CSMD1: variants seen among roughly 807,000 people sequenced by gnomAD.
CSMD1 encodes the protein CUB and Sushi multiple domains 1.
A neutral mutation model predicts 417.5 loss-of-function variants in CSMD1; 213 were observed. That is an observed-to-expected ratio of 0.51 (90% CI 0.46 to 0.57). CSMD1 has a LOEUF of 0.57. CSMD1 is among the 20% of genes least tolerant of loss of function. The probability of loss-of-function intolerance (pLI) is 0.00; values close to 1 mark genes in which losing one functional copy is unlikely to be tolerated. For missense variants in CSMD1, 6,923 were observed against 4,529.7 expected (o/e 1.53, Z -15.17); for synonymous variants, 2,862 against 1,736.8 (o/e 1.65, Z -16.11).
intron 3 of CSMD1, among the ~76,000 whole-genome samples, chr8:4,317,101 G>A (rs1162674067): frequency 6.6e-6 from 1 of 152,120 alleles, no homozygotes; most frequent in Non-Finnish European, 1.5e-5. Flanking sequence ...CAGGCAAGAG[G>A]TTTCCAACTG....
intron 1 of CSMD1, among the ~76,000 whole-genome samples, chr8:4,975,245 G>C (rs944442249): frequency 6.6e-6 from 1 of 152,056 alleles, no homozygotes; most frequent in Non-Finnish European, 1.5e-5. Flanking sequence ...AGTCTCCAAG[G>C]ATAATTAATT....
At chr8:4,967,863 A>T (rs563035393) in intron 1 of CSMD1, among the ~76,000 whole-genome samples, 1 of 152,308 alleles carries the variant, frequency 6.6e-6, no homozygotes, top group Admixed American at 6.5e-5. Context: ...TTACAAGTCA[A>T]AGGATGTGCT....
intron 6 of CSMD1, among the ~76,000 whole-genome samples, chr8:3,724,904 G>C (rs1333476530): frequency 6.6e-6 from 1 of 152,196 alleles, no homozygotes; most frequent in Non-Finnish European, 1.5e-5. Context: ...ATCTGCCATG[G>C]TAAAGAAGCA....
At chr8:3,662,141 G>T (rs542752927) in intron 7 of CSMD1, among the ~76,000 whole-genome samples, 35 of 152,124 alleles carry the variant, frequency 2.3e-4, no homozygotes, top group Non-Finnish European at 5.0e-4. Flanking sequence ...CTTCACAAAA[G>T]ATTTAGGCTA....
At chr8:4,734,160 T>C (rs567338631) in intron 1 of CSMD1, among the ~76,000 whole-genome samples, 32 of 152,292 alleles carry the variant, frequency 2.1e-4, no homozygotes, top group Admixed American at 5.2e-4. Flanking sequence ...TGAAATATAA[T>C]AGAGCTTGTA....
chr8:4,697,254 G>T (rs1345827232), intron 1 of CSMD1, among the ~76,000 whole-genome samples: 3 of 151,970 alleles, frequency 2.0e-5, no homozygotes, highest in Non-Finnish European at 4.4e-5. Flanking sequence ...TGCTGTAAAG[G>T]CCCTTAGAAC....
chr8:4,183,765 T>C (rs1052693277), intron 3 of CSMD1, among the ~76,000 whole-genome samples: 1 of 152,218 alleles, frequency 6.6e-6, no homozygotes, highest in Admixed American at 6.5e-5. Context: ...GAGTATTTCG[T>C]TGATGAAAGC....
chr8:3,142,415 G>A (rs1818557985), intron 41 of CSMD1, 50 bp downstream of exon 41: 2 of 1,390,298 alleles, frequency 1.4e-6, no homozygotes, highest in African/African-American at 1.4e-5. Flanking sequence ...CAATTTACAT[G>A]TAAGAAGTGT....
chr8:4,982,401 C>T (rs1337086744), intron 1 of CSMD1, among the ~76,000 whole-genome samples: 1 of 152,138 alleles, frequency 6.6e-6, no homozygotes, highest in Non-Finnish European at 1.5e-5. Flanking sequence ...ACCTGGGTAA[C>T]AGAGAATGCT....
At chr8:4,467,374 G>A (rs969541493) in intron 2 of CSMD1, among the ~76,000 whole-genome samples, 6 of 152,084 alleles carry the variant, frequency 3.9e-5, no homozygotes, top group Non-Finnish European at 7.4e-5. Flanking sequence ...CAATTCAAAT[G>A]TCCTCATTCC....
chr8:4,055,555 A>T (rs1798648037), intron 3 of CSMD1, among the ~76,000 whole-genome samples: 1 of 141,066 alleles, frequency 7.1e-6, no homozygotes, highest in African/African-American at 3.1e-5. Context: ...AATGAATATC[A>T]TATAAAGAAG....
Position 4,721,411 on chromosome 8 carries a change from G to C in CSMD1, c.86-83853C>G, listed in dbSNP as rs151183929. Among the ~76,000 whole-genome samples, 1,043 of 152,236 alleles carry C rather than the reference G, an allele frequency of 6.9e-3. 13 individuals carry two copies. The highest frequency in any genetic ancestry group is 0.01 in the Non-Finnish European group (713 of 68,012). On this transcript the variant is annotated intron_variant, in intron 1 of 69. Coordinates refer to ENST00000635120, the MANE Select transcript of CSMD1 (RefSeq NM_033225.6). ...ATCAAATATAAAAAAGAATGAATCTGACTACTACAAATCAGATTCTGAACA... is the reference window on the plus strand; with the variant it reads ...ATCAAATATAAAAAAGAATGAATCTCACTACTACAAATCAGATTCTGAACA...
At chr8:4,597,037 T>G (rs1189816084) in intron 2 of CSMD1, among the ~76,000 whole-genome samples, 1 of 152,184 alleles carries the variant, frequency 6.6e-6, no homozygotes, top group Non-Finnish European at 1.5e-5. Flanking sequence ...GTAAGATCAA[T>G]TCAACCTATT....
intron 38 of CSMD1, among the ~76,000 whole-genome samples, chr8:3,159,930 G>A (rs1819778821): frequency 6.6e-6 from 1 of 152,176 alleles, no homozygotes; most frequent in African/African-American, 2.4e-5. Flanking sequence ...CCATCAGGTA[G>A]AAAGAAGAGG....
At chr8:4,720,041 A>G (rs747332473) in intron 1 of CSMD1, among the ~76,000 whole-genome samples, 2 of 152,064 alleles carry the variant, frequency 1.3e-5, no homozygotes, top group Non-Finnish European at 2.9e-5. Flanking sequence ...AAATATTTTA[A>G]AGAAATTATT....
chr8:3,184,171 C>A (rs957556118), intron 36 of CSMD1, among the ~76,000 whole-genome samples: 1 of 152,128 alleles, frequency 6.6e-6, no homozygotes, highest in Non-Finnish European at 1.5e-5. Context: ...GGCTCTGTAT[C>A]ATAGGCCTGG....
At chr8:3,180,297 G>A (rs762638041) in intron 37 of CSMD1, among the ~76,000 whole-genome samples, 1 of 152,082 alleles carries the variant, frequency 6.6e-6, no homozygotes, top group South Asian at 2.1e-4. Context: ...GGTTAGAGTC[G>A]ACTGTGCGAT....
At chr8:3,327,384 C>A (rs747831499) in intron 23 of CSMD1, among the ~76,000 whole-genome samples, 1 of 152,102 alleles carries the variant, frequency 6.6e-6, no homozygotes, top group Non-Finnish European at 1.5e-5. Context: ...CTGCCCACCT[C>A]GGCCTCCCAA....
intron 41 of CSMD1, among the ~76,000 whole-genome samples, chr8:3,125,833 T>C (rs368893413): frequency 6.6e-6 from 1 of 152,230 alleles, no homozygotes; most frequent in East Asian, 1.9e-4. Flanking sequence ...AAAAATTAGC[T>C]GGGCGTGGTA....
Sources: allele counts gnomAD v4.1 joint callset (sites outside exome capture counted in the v4.1 genomes callset), GRCh38; gene constraint gnomAD v4.1.1; transcripts MANE v1.5; gene names NCBI Gene and HGNC (gene_info 2026-07-23, HGNC 2026-07-21).